The following DGKI variants were observed in gnomAD, a reference collection of about 807,000 sequenced individuals.
DGKI encodes diacylglycerol kinase iota.
A neutral mutation model predicts 147.5 loss-of-function variants in DGKI; 55 were observed. That is an observed-to-expected ratio of 0.37 (90% confidence interval 0.30 to 0.47). The LOEUF (loss-of-function observed/expected upper bound fraction) is 0.47, where lower values mean the gene tolerates loss of function less well. Ranked by LOEUF, DGKI falls within the 20% of genes least tolerant of loss-of-function variation. The pLI is 1.00. For synonymous variants in DGKI, 469 were observed against 477.1 expected (o/e 0.98, Z 0.22); for missense variants, 1,007 against 1,323.8 (o/e 0.76, Z 3.71).
At chr7:137,729,604 G>T (rs1794810391) in intron 1 of DGKI, among the ~76,000 whole-genome samples, 1 of 151,980 alleles carries the variant, frequency 6.6e-6, no homozygotes, top group Admixed American at 6.6e-5. Context: ...TGCTTCCGGG[G>T]AGCACAGTCC....
At chr7:137,768,042 T>C (rs998972518) in intron 1 of DGKI, among the ~76,000 whole-genome samples, 1 of 151,808 alleles carries the variant, frequency 6.6e-6, no homozygotes, top group Admixed American at 6.6e-5. Context: ...AAAAAACAAA[T>C]AATCTGATCA....
intron 1 of DGKI, among the ~76,000 whole-genome samples, chr7:137,721,605 A>T (rs1794560264): frequency 6.6e-6 from 1 of 152,062 alleles, no homozygotes. Flanking sequence ...CCATCCTCTC[A>T]TCCTCTACAG....
chr7:137,685,156 A>G (rs1823373810), intron 2 of DGKI, among the ~76,000 whole-genome samples: 1 of 152,126 alleles, frequency 6.6e-6, no homozygotes, highest in Non-Finnish European at 1.5e-5. Flanking sequence ...ATCGTCAACT[A>G]AAGGAAAGGA....
At chr7:137,680,769 A>G (rs983275035) in intron 2 of DGKI, among the ~76,000 whole-genome samples, 39 of 152,276 alleles carry the variant, frequency 2.6e-4, no homozygotes, top group Admixed American at 2.0e-3. Context: ...CAATGGATCA[A>G]TATTCTGACT....
At chr7:137,523,466 CAG>C (rs1233444506) in intron 20 of DGKI, among the ~76,000 whole-genome samples, 3 of 151,850 alleles carry the variant, frequency 2.0e-5, no homozygotes, top group Admixed American at 6.6e-5. Context: ...CACACACAGA[CAG>C]AGAGAGAGAT....
intron 28 of DGKI, among the ~76,000 whole-genome samples, chr7:137,420,031 T>C (rs1170524401): frequency 1.3e-5 from 2 of 152,230 alleles, no homozygotes; most frequent in Non-Finnish European, 2.9e-5. Flanking sequence ...CTGGCAGCAG[T>C]TGGAGCTGCT....
At position 137,604,237 on chromosome 7, in the gene DGKI, T is replaced by C. The variant is rs1820094181; in HGVS notation, c.1168-4332A>G. On this transcript the variant is annotated intron_variant, in intron 10 of 32. Transcript: ENST00000614521. ...ACTGACTTCCCTCTGCCCTCTTCCC[T>C]GCCTACTCTAAACCTTAGGGAGCCT... Among the ~76,000 whole-genome samples, 3 of 152,354 alleles carry C rather than the reference T, an allele frequency of 2.0e-5. No homozygotes were observed. In the South Asian group the frequency reaches 6.2e-4, roughly 32 times the overall value.
intron 1 of DGKI, among the ~76,000 whole-genome samples, chr7:137,840,552 C>A (rs374373261): frequency 1.3e-5 from 2 of 152,214 alleles, no homozygotes; most frequent in South Asian, 4.1e-4. Flanking sequence ...AAATTAAGGC[C>A]TTTTCTTTGA....
At chr7:137,768,268 A>T (rs1796077862) in intron 1 of DGKI, among the ~76,000 whole-genome samples, 1 of 152,250 alleles carries the variant, frequency 6.6e-6, no homozygotes, top group South Asian at 2.1e-4. Flanking sequence ...AAATGATCAT[A>T]GTATAAACAT....
intron 6 of DGKI, among the ~76,000 whole-genome samples, chr7:137,627,407 A>T (rs1820981268): frequency 6.6e-6 from 1 of 152,218 alleles, no homozygotes; most frequent in South Asian, 2.1e-4. Context: ...TGAACATCAT[A>T]GGCATGCCAT....
chr7:137,729,502 T>G (rs148206953), intron 1 of DGKI, among the ~76,000 whole-genome samples: 7 of 152,282 alleles, frequency 4.6e-5, no homozygotes, highest in African/African-American at 1.7e-4. Context: ...TGACAATCTA[T>G]AAAAACTAAA....
At chr7:137,729,395 G>A (rs1194882523) in intron 1 of DGKI, among the ~76,000 whole-genome samples, 3 of 152,000 alleles carry the variant, frequency 2.0e-5, no homozygotes, top group African/African-American at 2.4e-5. Context: ...CACACTTCAG[G>A]TCAGGAAACT....
intron 3 of DGKI, among the ~76,000 whole-genome samples, chr7:137,668,992 TA>T (rs901247323): frequency 1.3e-4 from 20 of 152,218 alleles, no homozygotes; most frequent in African/African-American, 4.8e-4. Flanking sequence ...TTAACTCTTT[TA>T]ATTTTCACAA....
At chr7:137,612,380 G>A in intron 8 of DGKI, among the ~76,000 whole-genome samples, 1 of 152,226 alleles carries the variant, frequency 6.6e-6, no homozygotes, top group East Asian at 1.9e-4. Context: ...ACGCATCTAT[G>A]TGAGCTCTGA....
At chr7:137,677,876 C>G (rs1309111554) in intron 3 of DGKI, among the ~76,000 whole-genome samples, 1 of 152,126 alleles carries the variant, frequency 6.6e-6, no homozygotes, top group African/African-American at 2.4e-5. Flanking sequence ...ACTTTAAGTT[C>G]AATTTCTCAA....
At chr7:137,828,429 C>T (rs1018232189) in intron 1 of DGKI, among the ~76,000 whole-genome samples, 3 of 151,946 alleles carry the variant, frequency 2.0e-5, no homozygotes, top group Non-Finnish European at 4.4e-5. Context: ...CCCAGTGATG[C>T]TTTTTTTTAA....
chr7:137,678,038 G>A (rs1235263795), intron 3 of DGKI, among the ~76,000 whole-genome samples: 1 of 152,130 alleles, frequency 6.6e-6, no homozygotes, highest in South Asian at 2.1e-4. Context: ...TGACCTGACT[G>A]TTGATTGTTT....
chr7:137,519,698 A>G (rs1056612887), intron 21 of DGKI, among the ~76,000 whole-genome samples: 5 of 152,048 alleles, frequency 3.3e-5, no homozygotes, highest in Non-Finnish European at 7.4e-5. Context: ...ATGAATCTGT[A>G]TTCTGTTTCA....
At chr7:137,453,846 A>T (rs1814074420) in intron 27 of DGKI, among the ~76,000 whole-genome samples, 1 of 152,036 alleles carries the variant, frequency 6.6e-6, no homozygotes. Context: ...TTATTATCAT[A>T]ATTTCCCAGT....
Sources: gnomAD v4.1 joint callset for allele counts (sites outside exome capture counted in the v4.1 genomes callset) on GRCh38, gnomAD v4.1.1 for gene constraint, MANE v1.5 for transcripts, NCBI Gene and HGNC (gene_info 2026-07-23, HGNC 2026-07-21) for gene names.